APEH: variants seen among roughly 807,000 people sequenced by gnomAD.
APEH encodes acylaminoacyl-peptide hydrolase.
APEH carries 75 observed loss-of-function variants against 102.7 expected under a neutral mutation model. The observed-to-expected ratio is 0.73, with a 90% CI of 0.61 to 0.89. The LOEUF (loss-of-function observed/expected upper bound fraction) is 0.89, where lower values mean the gene tolerates loss of function less well. APEH is among the 40% of genes least tolerant of loss of function. The pLI, the probability that APEH is intolerant of heterozygous loss-of-function variation, is 0.00. For missense variants in APEH, 863 were observed against 941.2 expected (o/e 0.92, Z 1.09); for synonymous variants, 344 against 362.7 (o/e 0.95, Z 0.59).
intron 2 of APEH, 109 bp from the exon 3 acceptor site, chr3:49,675,074 T>C (rs1181362844): frequency 5.6e-6 from 8 of 1,436,304 alleles, no homozygotes; most frequent in Non-Finnish European, 7.7e-6. Context: ...TGGAGACAGA[T>C]TGAGAGATTG....
At position 49,677,586 on chromosome 3, in the gene APEH, C is replaced by A. The variant is rs202201812; in HGVS notation, c.1013C>A (p.Thr338Asn). Residue 338 changes from threonine to asparagine, a missense_variant, in exon 11 of 22, where the codon ACC (threonine) becomes AAC (asparagine). Transcript: ENST00000296456. Reference protein sequence around the residue: ...CSQLCLYDWYTKVTSVVVDVV... With the variant: ...CSQLCLYDWYNKVTSVVVDVV... ...GTTCTCTTGCAGTATGACTGGTATACCAAGGTTACCTCAGTGGTGGTAGAT... is the reference window on the plus strand; with the variant it reads ...GTTCTCTTGCAGTATGACTGGTATAACAAGGTTACCTCAGTGGTGGTAGAT... 2.7e-5 allele frequency: 43 copies of A among 1,613,886 alleles called. No homozygotes were observed. The Admixed American group carries it at 5.2e-4, about 19-fold the overall frequency.
rs762668456 is a variant in APEH at position 49,676,912 on chromosome 3, C to T, written c.887C>T (p.Ser296Leu). The T allele has an allele frequency of 1.3e-5, 21 of 1,614,202 alleles. No homozygotes were observed. Among genetic ancestry groups the T allele is most frequent in the Middle Eastern group, 1.6e-4 (1 of 6,062 alleles). Residue 296 changes from serine (S) to leucine (L), a missense_variant, in exon 10 of 22, where the codon TCG becomes TTG. Ser to Leu is a moderately radical substitution (Grantham distance 145). Transcript: ENST00000296456. ...DLIGGKCELL[S>L]DDSLAVSSPR... ...TTTCCATCTGGCCCAGAGCTCCTCT[C>T]GGATGACTCCCTGGCTGTCTCTTCT...
rs2053023271 is a variant in APEH, at chr3:49,675,931, C to T, written c.407C>T (p.Ser136Leu). ...CGGAAGCTCAAGAGCTTCAACCTGT[C>T]AGCGCTGGAGAAACATGGGCCTGTT... Reference protein sequence around the residue: ...KNRKLKSFNLSALEKHGPVYE... With the variant: ...KNRKLKSFNLLALEKHGPVYE... Residue 136 changes from serine to leucine, a missense_variant, in exon 5 of 22, where the codon TCA (serine) becomes TTA (leucine). Physicochemically the swap from Ser to Leu is moderately radical, Grantham distance 145. Coordinates refer to ENST00000296456, the MANE Select transcript of APEH (RefSeq NM_001640.4). 3 of 1,614,078 alleles carry T rather than the reference C, an allele frequency of 1.9e-6. No homozygotes were observed. The highest frequency in any genetic ancestry group is 2.2e-5 in the South Asian group (2 of 91,084).
chr3:49,681,958 GTAC>G lies in APEH; in HGVS notation c.1600_1602del (p.Leu534del). 1 of 1,613,758 alleles carries G rather than the reference GTAC, an allele frequency of 6.2e-7. No homozygotes were observed. The highest frequency in any genetic ancestry group is 8.5e-7 in the Non-Finnish European group (1 of 1,179,644). On this transcript the variant is annotated inframe_deletion, in exon 17 of 22. Transcript: ENST00000296456. ...CATGCTTTGCAAGATGGGCTTTGCG[GTAC>G]TACTAGGTGAGTGAGCAGGGACCCA... is the stretch of plus-strand genomic sequence containing the variant.
intron 10 of APEH, 35 bp from the exon 11 acceptor site, chr3:49,677,538 C>G (rs759384401): frequency 6.3e-7 from 1 of 1,583,560 alleles, no homozygotes; most frequent in Non-Finnish European, 8.7e-7. Context: ...AACTGCCTGT[C>G]CCCTACTGGA....
At chr3:49,674,770 A>C (rs941623660) in intron 2 of APEH, 149 bp downstream of exon 2, 151 of 1,174,874 alleles carry the variant, frequency 1.3e-4, no homozygotes, top group Middle Eastern at 8.5e-4. Flanking sequence ...AGGTCCCTGC[A>C]CACAGGTGTG....
Position 49,676,803 on chromosome 3 carries a change from T to C in APEH, c.863T>C (p.Ile288Thr). ...RRSALYYVDLIGGKCELLSDD... is the reference protein window; with the variant it reads ...RRSALYYVDLTGGKCELLSDD... ...TCAGCCCTGTATTATGTGGACCTCA[T>C]CGGGGGGAAGTGTGGTAAGTGGCTG... Residue 288 changes from isoleucine (I) to threonine (T), a missense_variant, in exon 9 of 22, where the codon ATC becomes ACC. Ile to Thr is a moderately conservative substitution (Grantham distance 89). Transcript: ENST00000296456. 6.2e-7 allele frequency: 1 copy of C among 1,614,248 alleles called. No homozygotes were observed. Among genetic ancestry groups the C allele is most frequent in the Non-Finnish European group, 8.5e-7 (1 of 1,180,036 alleles).
Position 49,683,876 on chromosome 3 carries a change from G to A in APEH, c.*534G>A, listed in dbSNP as rs2053468891. ...GATCACCTAGCCCAGGGTGTGCTGG[G>A]CTCAAGCCACCCGAGCCCTAGCAAG... is the stretch of plus-strand genomic sequence containing the variant. On this transcript the variant is annotated 3_prime_UTR_variant, in exon 22 of 22. Transcript: ENST00000296456. 8.2e-7 allele frequency: 1 copy of A among 1,219,354 alleles called. No homozygotes were observed. The highest frequency in any genetic ancestry group is 1.5e-5 in the African/African-American group (1 of 65,654). 75.5% of individuals were successfully genotyped at this position (1,219,354 alleles called of 1,614,324 possible).
chr3:49,673,553 G>T (rs867427035), upstream of APEH, among the ~76,000 whole-genome samples: 12 of 152,242 alleles, frequency 7.9e-5, no homozygotes, highest in Admixed American at 3.3e-4. Flanking sequence ...CCTGGCGACT[G>T]ATAAGTCCGG....
intron 14 of APEH, among the ~76,000 whole-genome samples, 172 bp from the exon 15 acceptor site, chr3:49,680,929 A>T (rs561400778): frequency 9.2e-5 from 14 of 152,348 alleles, no homozygotes; most frequent in Non-Finnish European, 1.6e-4. Flanking sequence ...GTGTGATTGT[A>T]TGAGTATGAA....
Position 49,679,804 on chromosome 3 carries a change from C to T in APEH, c.1210+160C>T, listed in dbSNP as rs2108124594. ...CCTTTACTAACAGGTCCCCAAGGCC[C>T]CTGTCTGTGCAGACCCTTACCCAAC... On this transcript the variant is annotated intron_variant, in intron 13 of 21. Transcript: ENST00000296456. The surrounding 1 kb of genome is among the most constrained non-coding windows in gnomAD (Gnocchi z 4.3). 1 of 708,016 alleles carries T rather than the reference C, an allele frequency of 1.4e-6. No homozygotes were observed. The highest frequency in any genetic ancestry group is 2.4e-6 in the Non-Finnish European group (1 of 416,476). The allele number at this position is 708,016 out of a possible 1,614,324, so 43.9% of individuals were successfully genotyped here.
At chr3:49,678,337 C>T (rs1174817835) in intron 11 of APEH, among the ~76,000 whole-genome samples, 2 of 152,170 alleles carry the variant, frequency 1.3e-5, no homozygotes, top group East Asian at 1.9e-4. Context: ...GCTGTGTCCT[C>T]AGACAGGGTC....
chr3:49,674,367 A>C lies in APEH; in HGVS notation c.-35A>C, dbSNP rs906339943. ...GGAAGCCTCACTTCCGGGCGCGAGC[A>C]CGCCCCGCCTCGCCCCGGCGGCAGA... is the stretch of plus-strand genomic sequence containing the variant. On this transcript the variant is annotated 5_prime_UTR_variant, in exon 1 of 22. Coordinates refer to ENST00000296456, the MANE Select transcript of APEH (RefSeq NM_001640.4). 1 of 1,548,950 alleles carries C rather than the reference A, an allele frequency of 6.5e-7. No homozygotes were observed. The highest frequency in any genetic ancestry group is 8.7e-7 in the Non-Finnish European group (1 of 1,153,978).
At chr3:49,673,578 G>GT (rs2052870702), upstream of APEH, among the ~76,000 whole-genome samples, 1 of 152,152 alleles carries the variant, frequency 6.6e-6, no homozygotes, top group African/African-American at 2.4e-5. Flanking sequence ...CACCCTAAGA[G>GT]TTGGCACCCG....
At chr3:49,675,029 A>G (rs1040045659) in intron 2 of APEH, among the ~76,000 whole-genome samples, 154 bp from the exon 3 acceptor site, 1 of 152,142 alleles carries the variant, frequency 6.6e-6, no homozygotes, top group Non-Finnish European at 1.5e-5. Flanking sequence ...GTTGTGGCCA[A>G]GTGTTGTCCA....
intron 10 of APEH, 33 bp from the exon 11 acceptor site, chr3:49,677,540 C>T: frequency 6.3e-7 from 1 of 1,595,586 alleles, no homozygotes. Flanking sequence ...CTGCCTGTCC[C>T]CTACTGGACC....
In APEH at chr3:49,674,571, G is replaced by T. The variant is rs1332346427; in HGVS notation, c.95G>T (p.Gly32Val). Residue 32 changes from glycine to valine, a missense_variant, in exon 2 of 22, where the codon GGC becomes GTC. Transcript: ENST00000296456. Reference protein sequence around the residue: ...RQPALSAACLGPEVTTQYGGQ... With the variant: ...RQPALSAACLVPEVTTQYGGQ... ...CCCGCGCTGAGCGCCGCCTGCCTGGGCCCGGAGGTCACCACGCAGTACGGC... is the reference window on the plus strand; with the variant it reads ...CCCGCGCTGAGCGCCGCCTGCCTGGTCCCGGAGGTCACCACGCAGTACGGC... 3 of 1,572,742 alleles carry T rather than the reference G, an allele frequency of 1.9e-6. No homozygotes were observed. Among genetic ancestry groups the T allele is most frequent in the East Asian group, 2.3e-5 (1 of 43,944 alleles).
intron 14 of APEH, 146 bp from the exon 15 acceptor site, chr3:49,680,955 C>A: frequency 9.5e-7 from 1 of 1,055,750 alleles, no homozygotes; most frequent in East Asian, 2.4e-5. Flanking sequence ...TGGTATATAC[C>A]ATCCCACAAC....
In APEH at chr3:49,681,206, C is replaced by G; in HGVS notation, c.1405C>G (p.Gln469Glu). 1.2e-6 allele frequency: 2 copies of G among 1,606,580 alleles called. No homozygotes were observed. The highest frequency in any genetic ancestry group is 1.7e-6 in the Non-Finnish European group (2 of 1,175,950). ...CATCCACTGGGGCATCCGGGTGCTA[C>G]AGCCACCCCCAGAGCAAGAGAATGT... ...PDIHWGIRVLQPPPEQENVQY... is the reference protein window; with the variant it reads ...PDIHWGIRVLEPPPEQENVQY... Residue 469 changes from glutamine to glutamate, a missense_variant, in exon 15 of 22, where the codon CAG (glutamine) becomes GAG (glutamate). Physicochemically the swap from Gln to Glu is conservative, Grantham distance 29. Coordinates refer to ENST00000296456, the MANE Select transcript of APEH (RefSeq NM_001640.4).
Sources: allele counts gnomAD v4.1 joint callset (sites outside exome capture counted in the v4.1 genomes callset), GRCh38; gene constraint gnomAD v4.1.1; non-coding constraint Gnocchi (gnomAD v3.1); transcripts MANE v1.5; gene names NCBI Gene and HGNC (gene_info 2026-07-23, HGNC 2026-07-21).